Variants in ZMYM3 observed in about 807,000 individuals in gnomAD.
The protein encoded by ZMYM3 is zinc finger MYM-type containing 3.
Under a neutral mutation model 94.2 loss-of-function variants are expected in ZMYM3, and 6 were observed. The ratio of observed to expected loss-of-function variants is 0.06; its 90% confidence interval spans 0.03 to 0.13. The LOEUF (loss-of-function observed/expected upper bound fraction) is 0.13, where lower values mean the gene tolerates loss of function less well. Ranked by LOEUF, ZMYM3 falls within the 10% of genes least tolerant of loss-of-function variation. The pLI, the probability that ZMYM3 is intolerant of heterozygous loss-of-function variation, is 1.00. For synonymous variants in ZMYM3, 420 were observed against 426.5 expected, an observed-to-expected ratio of 0.98 and a Z score of 0.19; for missense variants, 664 against 1,132.6, an observed-to-expected ratio of 0.59 and a Z score of 5.94.
rs2029914823 is a variant in ZMYM3, at chrX:71,240,902, G to A, written c.*14C>T. The A allele has an allele frequency of 8.3e-7, 1 of 1,202,492 alleles. No homozygotes were observed. The highest frequency in any genetic ancestry group is 2.2e-5 in the Admixed American group (1 of 45,474). On this transcript the variant is annotated 3_prime_UTR_variant, in exon 25 of 25. Coordinates refer to ENST00000314425, the MANE Select transcript of ZMYM3 (RefSeq NM_201599.3). ...GACATTGATGTGAAAGATGGATATG[G>A]ATGGCACACGAGCTCAGTCCAGGTC... is the stretch of plus-strand genomic sequence containing the variant.
intron 23 of ZMYM3, 89 bp downstream of exon 23, chrX:71,242,081 C>A: frequency 9.0e-7 from 1 of 1,113,244 alleles, no homozygotes; most frequent in Non-Finnish European, 1.2e-6. Flanking sequence ...AGGAGAGGGC[C>A]GACCTGGCAG....
In ZMYM3 at chrX:71,253,297, G is replaced by T. The variant is rs780415126; in HGVS notation, c.-19-23C>A. 4.6e-6 allele frequency: 5 copies of T among 1,090,806 alleles called. No individual in the cohort carries two copies. The East Asian group carries it at 1.6e-4, about 34-fold the overall frequency. The allele number at this position is 1,090,806 out of a possible 1,213,427, so 89.9% of individuals were successfully genotyped here. ...GTACTGCAGATTAGGAGTAGAAGAGGGGGCAGTAGAGGTGGTCTTAGCCTG... is the reference window on the plus strand; with the variant it reads ...GTACTGCAGATTAGGAGTAGAAGAGTGGGCAGTAGAGGTGGTCTTAGCCTG... On this transcript the variant is annotated intron_variant, in intron 1 of 24. Transcript: ENST00000314425.
chrX:71,252,937 C>A lies in ZMYM3; in HGVS notation c.319G>T (p.Ala107Ser). ...HGPEGTLAWDAGDQTLEPGPG... is the reference protein window; with the variant it reads ...HGPEGTLAWDSGDQTLEPGPG... ...CCAGGCTCTAGGGTCTGATCTCCTGCATCCCATGCCAGGGTTCCCTCAGGA... is the reference window on the plus strand; with the variant it reads ...CCAGGCTCTAGGGTCTGATCTCCTGAATCCCATGCCAGGGTTCCCTCAGGA... Residue 107 changes from alanine (A) to serine (S), a missense_variant, in exon 2 of 25, where the codon GCA (alanine) becomes TCA (serine). This residue lies in a region of ZMYM3 where 196 missense variants were observed against 190.8 expected (regional missense o/e 1.03). Coordinates refer to ENST00000314425, the MANE Select transcript of ZMYM3 (RefSeq NM_201599.3). 8.3e-7 allele frequency: 1 copy of A among 1,211,815 alleles called. No homozygotes were observed. Among genetic ancestry groups the A allele is most frequent in the Non-Finnish European group, 1.1e-6 (1 of 895,413 alleles).
Position 71,248,415 on chromosome X carries a change from G to C in ZMYM3, c.1824+23C>G, listed in dbSNP as rs777628971. The C allele has an allele frequency of 5.8e-6, 7 of 1,202,056 alleles. No homozygotes were observed. In the East Asian group the frequency reaches 1.5e-4, roughly 26 times the overall value. On this transcript the variant is annotated intron_variant, in intron 10 of 24. Coordinates refer to ENST00000314425, the MANE Select transcript of ZMYM3 (RefSeq NM_201599.3). ...AGACAGTCTGGTCGTGTGGCAAGACGTGGGTGGGGGTGGGGCTCTTACCTG... is the reference window on the plus strand; with the variant it reads ...AGACAGTCTGGTCGTGTGGCAAGACCTGGGTGGGGGTGGGGCTCTTACCTG...
At chrX:71,242,799 G>C (rs1303375681) in intron 22 of ZMYM3, among the ~76,000 whole-genome samples, 171 bp downstream of exon 22, 2 of 111,795 alleles carry the variant, frequency 1.8e-5, no homozygotes, top group Non-Finnish European at 3.8e-5. Context: ...TCACGTTCAA[G>C]AACAGGCGCT....
At position 71,250,518 on chromosome X, in the gene ZMYM3, C is replaced by T. The variant is rs1602366404; in HGVS notation, c.987G>A (p.Gly329=). 1.7e-6 allele frequency: 2 copies of T among 1,211,463 alleles called. No homozygotes were observed. Among genetic ancestry groups the T allele is most frequent in the Non-Finnish European group, 2.2e-6 (2 of 895,242 alleles). The stretch of plus-strand genomic sequence containing the variant: ...ATGACGAGCAGAAGAGCTGAGGCAG[C>T]CCCTTGCGCTGATAGGCAGTCTGCC... ...QKGQTAYQRK[G]LPQLFCSSSC... Residue 329 remains glycine, a synonymous_variant, in exon 5 of 25, where the codon GGG becomes GGA. Transcript: ENST00000314425.
At chrX:71,248,074 A>T in intron 11 of ZMYM3, 88 bp downstream of exon 11, 1 of 1,157,588 alleles carries the variant, frequency 8.6e-7, no homozygotes, top group Non-Finnish European at 1.2e-6. Flanking sequence ...GCCCTGCCTC[A>T]TGGACCACTT....
rs1346255161 is a variant in ZMYM3, at chrX:71,240,525, G to A, written c.*391C>T. On this transcript the variant is annotated 3_prime_UTR_variant, in exon 25 of 25. Transcript: ENST00000314425. The stretch of plus-strand genomic sequence containing the variant: ...GAGAAGGCAGCTGGGTTTTTCCCTA[G>A]GTCATGCCTAGGAACAAGAGGCTCT... 1 of 131,058 alleles carries A rather than the reference G, an allele frequency of 7.6e-6. No homozygotes were observed. Among genetic ancestry groups the A allele is most frequent in the Non-Finnish European group, 1.5e-5 (1 of 65,785 alleles). The allele number at this position is 131,058 out of a possible 1,213,427, so 10.8% of individuals were successfully genotyped here.
rs771029283 is a variant in ZMYM3 at position 71,249,671 on chromosome X, G to A, written c.1260C>T (p.His420=). 7 of 1,208,534 alleles carry A rather than the reference G, an allele frequency of 5.8e-6. No individual in the cohort carries two copies. Among genetic ancestry groups the A allele is most frequent in the Middle Eastern group, 2.3e-4 (1 of 4,336 alleles). ...GTACCACGCTGCCATTGCTGACCTCGTGCAGGACCTGCCACACACATACAC... is the reference window on the plus strand; with the variant it reads ...GTACCACGCTGCCATTGCTGACCTCATGCAGGACCTGCCACACACATACAC... ...SICQKTGEVL[H]EVSNGSVVHR... is the part of the protein sequence containing the mutation. Residue 420 remains histidine, a synonymous_variant, in exon 7 of 25, where the codon CAC becomes CAT. Transcript: ENST00000314425.
chrX:71,253,775 C>A, intron 1 of ZMYM3, among the ~76,000 whole-genome samples: 1 of 54,598 alleles, frequency 1.8e-5, no homozygotes, highest in Non-Finnish European at 3.4e-5. Flanking sequence ...GGCCCTTCCC[C>A]CGCCCCCACA....
At chrX:71,245,579 C>T in intron 17 of ZMYM3, 89 bp downstream of exon 17, 1 of 1,160,360 alleles carries the variant, frequency 8.6e-7, no homozygotes, top group Admixed American at 2.5e-5. Flanking sequence ...TCCCATTCTA[C>T]TAGGCACCAA....
intron 11 of ZMYM3, 78 bp downstream of exon 11, chrX:71,248,084 T>C: frequency 1.7e-6 from 2 of 1,170,856 alleles, no homozygotes; most frequent in Non-Finnish European, 2.3e-6. Context: ...ATGGACCACT[T>C]TCCCGGCCTC....
At chrX:71,253,585 C>T (rs1386501652) in intron 1 of ZMYM3, among the ~76,000 whole-genome samples, 1 of 81,380 alleles carries the variant, frequency 1.2e-5, no homozygotes, top group Non-Finnish European at 2.4e-5. Context: ...TTTTACCCCC[C>T]GCAACTCAGG....
At chrX:71,241,729 G>A (rs2029955625) in intron 23 of ZMYM3, among the ~76,000 whole-genome samples, 1 of 111,510 alleles carries the variant, frequency 9.0e-6, no homozygotes, top group Non-Finnish European at 1.9e-5. Flanking sequence ...TAGAAGCATG[G>A]GTCCAGAGAA....
chrX:71,245,684 G>T lies in ZMYM3; in HGVS notation c.2844C>A (p.Ala948=), dbSNP rs1280053240. The T allele has an allele frequency of 2.5e-6, 3 of 1,211,113 alleles. No homozygotes were observed. Among genetic ancestry groups the T allele is most frequent in the Non-Finnish European group, 3.4e-6 (3 of 895,257 alleles). The change falls in exon 17 of 25, where the codon GCC becomes GCA. Residue 948 remains alanine, a synonymous_variant. Coordinates refer to ENST00000314425, the MANE Select transcript of ZMYM3 (RefSeq NM_201599.3). ...MIAEAEELDK[A]SSDLCDLVSN... ...ATGGCATACCACAAAGGTCAGATGA[G>T]GCCTTGTCTAACTCCTCAGCCTCTG... is the stretch of plus-strand genomic sequence containing the variant.
intron 18 of ZMYM3, among the ~76,000 whole-genome samples, chrX:71,245,127 T>TAAA (rs5902685): frequency 7.0e-5 from 3 of 42,624 alleles, no homozygotes; most frequent in Non-Finnish European, 1.3e-4. Flanking sequence ...GCTTAAAAAT[T>TAAA]AAAAAAAAAA....
intron 15 of ZMYM3, 98 bp from the exon 16 acceptor site, chrX:71,246,196 T>G (rs939028706): frequency 1.9e-6 from 2 of 1,076,891 alleles, no homozygotes; most frequent in African/African-American, 3.7e-5. Context: ...AAACTGCCCT[T>G]GAATCAAAGG....
chrX:71,243,798 G>A (rs1387422738), intron 21 of ZMYM3, 31 bp downstream of exon 21: 1 of 1,207,551 alleles, frequency 8.3e-7, no homozygotes, highest in Non-Finnish European at 1.1e-6. Context: ...TGTTAAGAGT[G>A]ACAGGAAGTG....
Position 71,243,810 on chromosome X carries a change from G to A in ZMYM3, c.3432+19C>T. ...CTGTGTTAAGAGTGACAGGAAGTGA[G>A]GTGGTGCACAAGAGGTACCTGCTGG... On this transcript the variant is annotated intron_variant, in intron 21 of 24. Transcript: ENST00000314425. 2 of 1,209,198 alleles carry A rather than the reference G, an allele frequency of 1.7e-6. No homozygotes were observed. Among genetic ancestry groups the A allele is most frequent in the Non-Finnish European group, 1.1e-6 (1 of 894,178 alleles).
Sources: allele counts gnomAD v4.1 joint callset (sites outside exome capture counted in the v4.1 genomes callset), GRCh38; gene constraint gnomAD v4.1.1; regional missense constraint gnomAD v4.1.1; transcripts MANE v1.5; gene names NCBI Gene and HGNC (gene_info 2026-07-23, HGNC 2026-07-21).